Variants in FAM222B observed in about 807,000 individuals in gnomAD.
The protein encoded by FAM222B is family with sequence similarity 222 member B.
Under a neutral mutation model 38.0 loss-of-function variants are expected in FAM222B, and 12 were observed. The observed-to-expected ratio is 0.32, with a 90% CI of 0.20 to 0.51. FAM222B has a LOEUF of 0.51. Ranked by LOEUF, FAM222B falls within the 20% of genes least tolerant of loss-of-function variation. The pLI is 0.97. For synonymous variants in FAM222B, 329 were observed against 317.2 expected (o/e 1.04, Z -0.40); for missense variants, 716 against 754.2 (o/e 0.95, Z 0.59).
At position 28,799,069 on chromosome 17, in the gene FAM222B, G is replaced by T. The variant is rs559848620; in HGVS notation, c.-40-32362C>A. 3.3e-5 allele frequency among the ~76,000 whole-genome samples: 5 copies of T among 151,502 alleles called. No homozygotes were observed. In the East Asian group the frequency reaches 5.9e-4, roughly 18 times the overall value. On this transcript the variant is annotated intron_variant, in intron 1 of 2. Transcript: ENST00000581407. Reference sequence around the variant, plus strand: ...GGCTCACTGCAACCTCCGCCTCCCGGGTTCAAGCAATTCTCCTGCCTCAGC... The same window carrying T: ...GGCTCACTGCAACCTCCGCCTCCCGTGTTCAAGCAATTCTCCTGCCTCAGC...
chr17:28,819,944 A>C (rs2038153177), intron 1 of FAM222B, among the ~76,000 whole-genome samples: 1 of 152,244 alleles, frequency 6.6e-6, no homozygotes, highest in Non-Finnish European at 1.5e-5. Flanking sequence ...CCCATCAAAG[A>C]GGAAAAGAAA....
chr17:28,840,586 T>C (rs1209221547), intron 1 of FAM222B, among the ~76,000 whole-genome samples: 1 of 152,108 alleles, frequency 6.6e-6, no homozygotes, highest in Non-Finnish European at 1.5e-5. Flanking sequence ...CTTATGCATA[T>C]CTGACCTCCA....
At chr17:28,776,683 T>TG (rs1447082413) in intron 1 of FAM222B, among the ~76,000 whole-genome samples, 1 of 151,862 alleles carries the variant, frequency 6.6e-6, no homozygotes, top group Non-Finnish European at 1.5e-5. Flanking sequence ...GCTGAACTCC[T>TG]GCTGAAGCAA....
At chr17:28,796,154 A>T (rs2036929411) in intron 1 of FAM222B, among the ~76,000 whole-genome samples, 1 of 152,200 alleles carries the variant, frequency 6.6e-6, no homozygotes, top group Admixed American at 6.5e-5. Context: ...TCTTGGTTTA[A>T]CTGCAGCCAA....
chr17:28,770,846 G>C (rs977991832), intron 1 of FAM222B, among the ~76,000 whole-genome samples: 1 of 151,790 alleles, frequency 6.6e-6, no homozygotes, highest in African/African-American at 2.4e-5. Context: ...CTGGGATTAC[G>C]GCGTGAACCA....
Position 28,759,872 on chromosome 17 carries a change from G to C in FAM222B, c.87C>G (p.Asp29Glu). The C allele has an allele frequency of 6.6e-7, 1 of 1,523,534 alleles. No homozygotes were observed. The highest frequency in any genetic ancestry group is 8.8e-7 in the Non-Finnish European group (1 of 1,130,744). 94.4% of individuals were successfully genotyped at this position (1,523,534 alleles called of 1,614,324 possible). ...GAGCAGTTCTCATTTTCTGTGTAGT[G>C]TCCCCTAGAGAGAGAGAATGGGAAG... The part of the protein sequence containing the change: ...TQMNTGLQKW[D>E]TTQKMRTAHY... The change falls in exon 3 of 3, where the codon GAC becomes GAG. Residue 29 changes from aspartate (D) to glutamate (E), a missense_variant. Asp to Glu is a conservative substitution (Grantham distance 45, BLOSUM62 2). Coordinates refer to ENST00000581407, the MANE Select transcript of FAM222B (RefSeq NM_001077498.3). This position sits in a 1 kb window ranked among gnomAD's most constrained non-coding sequence, Gnocchi z 4.8.
intron 1 of FAM222B, among the ~76,000 whole-genome samples, chr17:28,853,685 G>T (rs2039200098): frequency 6.6e-6 from 1 of 152,150 alleles, no homozygotes; most frequent in African/African-American, 2.4e-5. Context: ...TTTGTTCACT[G>T]ATGTATTCCC....
intron 1 of FAM222B, among the ~76,000 whole-genome samples, chr17:28,820,950 C>CTTTTTTTTTTTTT (rs1456864304): frequency 1.4e-5 from 2 of 144,306 alleles, no homozygotes. Flanking sequence ...TGGTAAAACT[C>CTTTTTTTTTTTTT]TTTTTATTTT....
intron 1 of FAM222B, among the ~76,000 whole-genome samples, chr17:28,793,362 C>G (rs1309144854): frequency 6.6e-6 from 1 of 152,100 alleles, no homozygotes; most frequent in East Asian, 1.9e-4. Flanking sequence ...AGAGTGTTAA[C>G]CGTTTTGACA....
At chr17:28,821,973 T>TA (rs370212384) in intron 1 of FAM222B, among the ~76,000 whole-genome samples, 1 of 151,138 alleles carries the variant, frequency 6.6e-6, no homozygotes, top group Non-Finnish European at 1.5e-5. Context: ...TCAAAATAAA[T>TA]AAACAAATAA....
At chr17:28,822,832 A>ATGT (rs1423125822) in intron 1 of FAM222B, among the ~76,000 whole-genome samples, 1 of 42,806 alleles carries the variant, frequency 2.3e-5, no homozygotes, top group Non-Finnish European at 3.8e-5. Flanking sequence ...AAAAAAAAAA[A>ATGT]ATATATATAT....
At chr17:28,764,715 C>G (rs536995742) in intron 2 of FAM222B, among the ~76,000 whole-genome samples, 54 of 152,002 alleles carry the variant, frequency 3.6e-4, no homozygotes, top group Non-Finnish European at 7.2e-4. Context: ...CCATTGCACT[C>G]CAGCCTAGCA....
intron 1 of FAM222B, among the ~76,000 whole-genome samples, chr17:28,818,985 T>C (rs1460741458): frequency 6.6e-6 from 1 of 152,216 alleles, no homozygotes; most frequent in Non-Finnish European, 1.5e-5. Flanking sequence ...CCCTGGACGC[T>C]GTTTCCCCAC....
intron 1 of FAM222B, among the ~76,000 whole-genome samples, chr17:28,787,058 G>C (rs928676110): frequency 6.6e-6 from 1 of 151,998 alleles, no homozygotes; most frequent in African/African-American, 2.4e-5. Flanking sequence ...CTGAGTAGTT[G>C]AGACTACAGG....
intron 1 of FAM222B, among the ~76,000 whole-genome samples, chr17:28,850,789 A>G (rs1426394994): frequency 6.6e-6 from 1 of 152,058 alleles, no homozygotes; most frequent in African/African-American, 2.4e-5. Flanking sequence ...TGTCTGACCA[A>G]TTTTGAACAG....
intron 1 of FAM222B, among the ~76,000 whole-genome samples, chr17:28,804,907 G>C (rs542744758): frequency 4.3e-4 from 66 of 151,756 alleles, no homozygotes; most frequent in African/African-American, 1.6e-3. Context: ...TTAGCCAGGC[G>C]TGGTGGCAGG....
intron 1 of FAM222B, among the ~76,000 whole-genome samples, chr17:28,790,811 T>C (rs780164882): frequency 3.3e-5 from 5 of 150,126 alleles, no homozygotes; most frequent in Non-Finnish European, 7.4e-5. Context: ...TCAGCAACAC[T>C]GTCAAATGAT....
At chr17:28,821,175 C>T (rs1378975990) in intron 1 of FAM222B, among the ~76,000 whole-genome samples, 1 of 151,950 alleles carries the variant, frequency 6.6e-6, no homozygotes, top group Non-Finnish European at 1.5e-5. Context: ...AGGATGGTCT[C>T]GATCTCTTGA....
chr17:28,816,319 T>C (rs1221692886), intron 1 of FAM222B, among the ~76,000 whole-genome samples: 1 of 152,160 alleles, frequency 6.6e-6, no homozygotes, highest in Non-Finnish European at 1.5e-5. Context: ...TCATTTTTAC[T>C]ATGTTAACTT....
Sources: gnomAD v4.1 joint callset for allele counts (sites outside exome capture counted in the v4.1 genomes callset) on GRCh38, gnomAD v4.1.1 for gene constraint, Gnocchi (gnomAD v3.1) non-coding constraint, MANE v1.5 for transcripts, NCBI Gene and HGNC (gene_info 2026-07-23, HGNC 2026-07-21) for gene names.